The following PTTG1IP2 variants were observed in gnomAD, a reference collection of about 807,000 sequenced individuals.
PTTG1IP2 encodes the protein PTTG1IP family member 2.
Position 90,490,376 on chromosome 7 carries a change from C to T in PTTG1IP2, c.380+1412C>T, listed in dbSNP as rs561119974. 4.1e-5 allele frequency among the ~76,000 whole-genome samples: 6 copies of T among 147,618 alleles called. No individual in the cohort carries two copies. In the East Asian group the frequency reaches 9.9e-4, roughly 24 times the overall value. Reference sequence around the variant, plus strand: ...ATAAGATAAATGCACATTTATAGGTCAACCTGTAAGTAAAATATGCTTATA... The same window carrying T: ...ATAAGATAAATGCACATTTATAGGTTAACCTGTAAGTAAAATATGCTTATA... On this transcript the variant is annotated intron_variant, in intron 4 of 6. Coordinates refer to ENST00000509356, the MANE Select transcript of PTTG1IP2 (RefSeq NM_001365443.2).
intron 6 of PTTG1IP2, among the ~76,000 whole-genome samples, chr7:90,497,017 T>C (rs1166598432): frequency 6.6e-6 from 1 of 152,220 alleles, no homozygotes; most frequent in African/African-American, 2.4e-5. Context: ...TTGTTATTGA[T>C]TTCTAGTTTC....
At chr7:90,505,758 G>A (rs1379028345) in intron 6 of PTTG1IP2, among the ~76,000 whole-genome samples, 1 of 152,000 alleles carries the variant, frequency 6.6e-6, no homozygotes, top group African/African-American at 2.4e-5. Context: ...GCCGAGGCGG[G>A]TGGATCATGA....
At chr7:90,477,623 T>C (rs1410028669) in intron 1 of PTTG1IP2, among the ~76,000 whole-genome samples, 1 of 152,194 alleles carries the variant, frequency 6.6e-6, no homozygotes, top group Non-Finnish European at 1.5e-5. Context: ...GAGTGAGACA[T>C]TGTCGCAGAC....
chr7:90,487,223 T>G (rs768526795), intron 2 of PTTG1IP2, 104 bp from the exon 3 acceptor site: 3 of 152,596 alleles, frequency 2.0e-5, no homozygotes, highest in Non-Finnish European at 4.4e-5. Context: ...ATAATAATAA[T>G]GGTTATTATT....
At chr7:90,502,433 T>C (rs1201059541) in intron 6 of PTTG1IP2, among the ~76,000 whole-genome samples, 1 of 152,230 alleles carries the variant, frequency 6.6e-6, no homozygotes, top group African/African-American at 2.4e-5. Flanking sequence ...TTTAATGGCA[T>C]CTATAATGGT....
chr7:90,487,001 G>A (rs1231762291), intron 2 of PTTG1IP2, among the ~76,000 whole-genome samples: 1 of 152,148 alleles, frequency 6.6e-6, no homozygotes, highest in African/African-American at 2.4e-5. Context: ...TTCCTCACTT[G>A]AGGCAAGGAT....
At chr7:90,480,184 C>A (rs1338053873) in intron 2 of PTTG1IP2, among the ~76,000 whole-genome samples, 1 of 152,170 alleles carries the variant, frequency 6.6e-6, no homozygotes, top group Non-Finnish European at 1.5e-5. Flanking sequence ...ACTTCTGTGG[C>A]ATCTCTGAAC....
chr7:90,471,511 A>C (rs1404181016), intron 1 of PTTG1IP2, among the ~76,000 whole-genome samples: 1 of 152,246 alleles, frequency 6.6e-6, no homozygotes, highest in East Asian at 1.9e-4. Context: ...ATTAAAAAAT[A>C]TACTGAAACC....
intron 2 of PTTG1IP2, among the ~76,000 whole-genome samples, chr7:90,484,061 C>G (rs17869962): frequency 6.6e-6 from 1 of 151,566 alleles, no homozygotes; most frequent in African/African-American, 2.4e-5. Context: ...ACATCATGCT[C>G]AAAATTTCTT....
At chr7:90,480,020 G>A (rs995658450) in intron 2 of PTTG1IP2, among the ~76,000 whole-genome samples, 2 of 152,096 alleles carry the variant, frequency 1.3e-5, no homozygotes, top group African/African-American at 2.4e-5. Context: ...CTGGCTCATG[G>A]CATTCTCCAG....
intron 2 of PTTG1IP2, among the ~76,000 whole-genome samples, chr7:90,486,106 C>T (rs1322966702): frequency 6.6e-6 from 1 of 152,146 alleles, no homozygotes; most frequent in Non-Finnish European, 1.5e-5. Flanking sequence ...TACGCAGTGT[C>T]TAAGGGGTGG....
intron 4 of PTTG1IP2, among the ~76,000 whole-genome samples, chr7:90,490,320 G>T (rs1797923554): frequency 6.6e-6 from 1 of 151,164 alleles, no homozygotes; most frequent in Admixed American, 6.6e-5. Context: ...TTATAAGAAG[G>T]AACTGTAAAT....
At chr7:90,489,279 A>G (rs1332375219) in intron 4 of PTTG1IP2, among the ~76,000 whole-genome samples, 1 of 151,824 alleles carries the variant, frequency 6.6e-6, no homozygotes, top group Non-Finnish European at 1.5e-5. Flanking sequence ...TTCATGATTA[A>G]TTTTAGATGT....
intron 1 of PTTG1IP2, among the ~76,000 whole-genome samples, chr7:90,478,917 T>C (rs1350767517): frequency 6.6e-6 from 1 of 152,150 alleles, no homozygotes; most frequent in Non-Finnish European, 1.5e-5. Context: ...ACATGATATT[T>C]TAAAATACAA....
At chr7:90,482,515 C>A (rs953308264) in intron 2 of PTTG1IP2, among the ~76,000 whole-genome samples, 3 of 149,006 alleles carry the variant, frequency 2.0e-5, no homozygotes, top group East Asian at 2.0e-4. Context: ...ACCCCCCCCC[C>A]ACACAACTCA....
chr7:90,511,823 T>TC (rs1314552235), intron 6 of PTTG1IP2, among the ~76,000 whole-genome samples: 2 of 152,208 alleles, frequency 1.3e-5, no homozygotes, highest in Admixed American at 6.5e-5. Flanking sequence ...CTCGGTTTCT[T>TC]CATCTGTAAA....
intron 2 of PTTG1IP2, among the ~76,000 whole-genome samples, chr7:90,479,651 T>G (rs1797793551): frequency 6.6e-6 from 1 of 152,242 alleles, no homozygotes. Context: ...AAGAATGACA[T>G]ACCATTCCTT....
At chr7:90,502,062 T>C (rs1051093030) in intron 6 of PTTG1IP2, among the ~76,000 whole-genome samples, 1 of 152,228 alleles carries the variant, frequency 6.6e-6, no homozygotes, top group Non-Finnish European at 1.5e-5. Context: ...GAAACTACTT[T>C]CTTTGCTCAT....
chr7:90,485,603 C>G (rs1421329410), intron 2 of PTTG1IP2, among the ~76,000 whole-genome samples: 1 of 152,146 alleles, frequency 6.6e-6, no homozygotes, highest in African/African-American at 2.4e-5. Context: ...GTTTCCCTGG[C>G]TGGGCAGTGA....
Sources: allele counts gnomAD v4.1 joint callset (sites outside exome capture counted in the v4.1 genomes callset), GRCh38; gene constraint gnomAD v4.1.1; transcripts MANE v1.5; gene names NCBI Gene and HGNC (gene_info 2026-07-23, HGNC 2026-07-21).